The following RFX2 variants were observed in gnomAD, a reference collection of about 807,000 sequenced individuals.
RFX2 encodes the protein DNA-binding protein RFX2.
A neutral mutation model predicts 87.8 loss-of-function variants in RFX2; 20 were observed. The ratio of observed to expected loss-of-function variants is 0.23; its 90% CI spans 0.16 to 0.33. The LOEUF (loss-of-function observed/expected upper bound fraction) is 0.33, where lower values mean the gene tolerates loss of function less well. Ranked by LOEUF, RFX2 falls within the 10% of genes least tolerant of loss-of-function variation. The pLI, the probability that RFX2 is intolerant of heterozygous loss-of-function variation, is 1.00. For synonymous variants in RFX2, 397 were observed against 431.3 expected, an observed-to-expected ratio of 0.92 and a Z score of 0.98; for missense variants, 767 against 1,012.3, an observed-to-expected ratio of 0.76 and a Z score of 3.29.
At chr19:6,031,825 T>G (rs1048467446) in intron 5 of RFX2, among the ~76,000 whole-genome samples, 1 of 151,882 alleles carries the variant, frequency 6.6e-6, no homozygotes, top group Non-Finnish European at 1.5e-5. Context: ...CTCTGCATTC[T>G]TTTTTAAAAA....
At chr19:6,032,171 C>A (rs1315373962) in intron 5 of RFX2, among the ~76,000 whole-genome samples, 1 of 152,006 alleles carries the variant, frequency 6.6e-6, no homozygotes, top group Non-Finnish European at 1.5e-5. Flanking sequence ...CGCCATACTG[C>A]AGTGCAGTGG....
chr19:6,038,525 C>T (rs955560314), intron 5 of RFX2, among the ~76,000 whole-genome samples: 2 of 151,684 alleles, frequency 1.3e-5, no homozygotes, highest in Non-Finnish European at 2.9e-5. Flanking sequence ...CTGCAAAGGA[C>T]ACTTTTTAGA....
At chr19:6,091,386 T>C (rs1303820990) in intron 1 of RFX2, among the ~76,000 whole-genome samples, 1 of 150,542 alleles carries the variant, frequency 6.6e-6, no homozygotes, top group Non-Finnish European at 1.5e-5. Flanking sequence ...AGGTGGAGGC[T>C]GCAATAAGCC....
In RFX2 at chr19:6,026,180, C is replaced by A. The variant is rs772838904; in HGVS notation, c.580G>T (p.Gly194Cys). 2 of 1,613,562 alleles carry A rather than the reference C, an allele frequency of 1.2e-6. No individual in the cohort carries two copies. The highest frequency in any genetic ancestry group is 1.7e-6 in the Non-Finnish European group (2 of 1,179,896). Residue 194 changes from glycine (G) to cysteine (C), a missense_variant, in exon 6 of 18, where the codon GGT (glycine) becomes TGT (cysteine). Physicochemically the swap from Gly to Cys is radical, Grantham distance 159. This residue lies in a region of RFX2 where 621 missense variants were observed against 873.0 expected (regional missense o/e 0.71). Coordinates refer to ENST00000303657, the MANE Select transcript of RFX2 (RefSeq NM_000635.4). This position sits in a 1 kb window ranked among gnomAD's most constrained non-coding sequence, Gnocchi z 4.5. ...KSEGITSHKS[G>C]LLNSHLQWLL... ...ACACTTACATGGCTGTTGAGTAAAC[C>A]GCTTTTGTGTGATGTGATTCCTTCG... is the stretch of plus-strand genomic sequence containing the variant.
In RFX2 at chr19:6,063,191, G is replaced by T. The variant is rs509081; in HGVS notation, c.-8-15687C>A. On this transcript the variant is annotated intron_variant, in intron 1 of 17. Transcript: ENST00000303657. The surrounding 1 kb of genome is among the most constrained non-coding windows in gnomAD (Gnocchi z 4.0). ...AGCCGGGCTTCCTCTGATTCCGGAT[G>T]GAGTGTTTAAATGAGATGTCCACAC... Among the ~76,000 whole-genome samples, 2,328 of 152,254 alleles carry T rather than the reference G, an allele frequency of 0.015. 44 individuals are homozygous for T. The highest frequency in any genetic ancestry group is 0.053 in the African/African-American group (2,184 of 41,522).
At position 6,016,097 on chromosome 19, in the gene RFX2, C is replaced by A; in HGVS notation, c.772G>T (p.Gly258Cys). 1 of 1,597,768 alleles carries A rather than the reference C, an allele frequency of 6.3e-7. No individual in the cohort carries two copies. Among genetic ancestry groups the A allele is most frequent in the South Asian group, 1.1e-5 (1 of 89,208 alleles). Residue 258 changes from glycine (G) to cysteine (C), a missense_variant, in exon 7 of 18, where the codon GGC becomes TGC. Around this residue, in one of 2 missense-constraint regions of RFX2, gnomAD observed 621 missense variants for 873.0 expected, o/e 0.71. Coordinates refer to ENST00000303657, the MANE Select transcript of RFX2 (RefSeq NM_000635.4). The surrounding 1 kb of genome is among the most constrained non-coding windows in gnomAD (Gnocchi z 5.4). ...VFMGLRTRRL[G>C]TRGNSKYHYY... ...TGGGGATCGTCTACCCACCTGGTGC[C>A]CAGCCGCCGCGTTCTCAGCCCCATA...
At chr19:6,081,932 C>CA (rs911486013) in intron 1 of RFX2, among the ~76,000 whole-genome samples, 2 of 152,046 alleles carry the variant, frequency 1.3e-5, no homozygotes, top group Non-Finnish European at 2.9e-5. Flanking sequence ...CTAAAAAATA[C>CA]AAAAAATTAG....
In RFX2 at chr19:5,997,090, G is replaced by A. The variant is rs201839547; in HGVS notation, c.1983C>T (p.Thr661=). The change falls in exon 16 of 18, where the codon ACC becomes ACT. Residue 661 remains threonine, a synonymous_variant. Coordinates refer to ENST00000303657, the MANE Select transcript of RFX2 (RefSeq NM_000635.4). This position sits in a 1 kb window ranked among gnomAD's most constrained non-coding sequence, Gnocchi z 4.2. ...CCATCACAGCGATCGGCGTCTCTCC[G>A]GTGGCCTCCGCGACGCGGTGCTCCA... ...YLVEHRVAEA[T]GETPIAVMGE... is the part of the protein sequence containing the mutation. 29 of 1,612,724 alleles carry A rather than the reference G, an allele frequency of 1.8e-5. No homozygotes were observed. The highest frequency in any genetic ancestry group is 5.0e-5 in the Admixed American group (3 of 60,010).
intron 5 of RFX2, among the ~76,000 whole-genome samples, chr19:6,037,545 C>T (rs993430032): frequency 3.9e-5 from 6 of 152,092 alleles, no homozygotes; most frequent in Non-Finnish European, 5.9e-5. Context: ...ATGGAGAAAA[C>T]GTACCATGTT....
In RFX2 at chr19:6,109,170, G is replaced by GA. The variant is rs769058037; in HGVS notation, c.-9+1222dup. Among the ~76,000 whole-genome samples the GA allele has an allele frequency of 7.6e-4, 104 of 137,334 alleles. 1 individual carries two copies. Among genetic ancestry groups the GA allele is most frequent in the Middle Eastern group, 3.7e-3 (1 of 270 alleles). The allele number at this position is 137,334 out of a possible 152,430, so 90.1% of individuals were successfully genotyped here. On this transcript the variant is annotated intron_variant, in intron 1 of 17. Transcript: ENST00000303657. The stretch of plus-strand genomic sequence containing the variant: ...GGTTCTTTAACAAAATAAATAAATT[G>GA]AAAAAAAAAAAAAGTTTCACTCGCG...
At position 6,002,823 on chromosome 19, in the gene RFX2, G is replaced by A. The variant is rs370615658; in HGVS notation, c.1548C>T (p.Ser516=). The A allele has an allele frequency of 5.6e-6, 9 of 1,613,164 alleles. No homozygotes were observed. In the African/African-American group the frequency reaches 9.3e-5, roughly 17 times the overall value. ...GGGCCGCCTGCGCCAGGTGGTTGAG[G>A]GACGTGTAGCGCCGCAGCGTCTGGG... ...AFAQTLRRYT[S]LNHLAQAARA... is the part of the protein sequence containing the mutation. The change falls in exon 14 of 18, where the codon TCC becomes TCT. Residue 516 remains serine (S), a synonymous_variant. Coordinates refer to ENST00000303657, the MANE Select transcript of RFX2 (RefSeq NM_000635.4). The surrounding 1 kb of genome is among the most constrained non-coding windows in gnomAD (Gnocchi z 6.7).
chr19:6,081,545 C>T (rs1225042420), intron 1 of RFX2, among the ~76,000 whole-genome samples: 1 of 152,242 alleles, frequency 6.6e-6, no homozygotes, highest in Admixed American at 6.5e-5. Context: ...TCACAGCACA[C>T]AAACATTAGC....
At chr19:6,025,614 C>A (rs968590476) in intron 6 of RFX2, among the ~76,000 whole-genome samples, 1 of 151,978 alleles carries the variant, frequency 6.6e-6, no homozygotes, top group Non-Finnish European at 1.5e-5. Context: ...CCTATGACAA[C>A]CCGAGGAGGT....
At chr19:6,036,984 GA>G (rs2087034002) in intron 5 of RFX2, among the ~76,000 whole-genome samples, 1 of 152,048 alleles carries the variant, frequency 6.6e-6, no homozygotes, top group South Asian at 2.1e-4. Flanking sequence ...GAAGCTCCTA[GA>G]ACCAAAAAAT....
intron 5 of RFX2, among the ~76,000 whole-genome samples, chr19:6,028,031 G>T (rs2086912430): frequency 6.6e-6 from 1 of 151,908 alleles, no homozygotes. Context: ...CAAAGTTCTG[G>T]GATTACAGGC....
chr19:6,000,692 C>T (rs2086479380), intron 15 of RFX2, among the ~76,000 whole-genome samples: 1 of 152,256 alleles, frequency 6.6e-6, no homozygotes, highest in Non-Finnish European at 1.5e-5. Flanking sequence ...TTCCGCCATG[C>T]TTGTGAGGCC....
chr19:6,007,642 G>T lies in RFX2; in HGVS notation c.1247+48C>A. On this transcript the variant is annotated intron_variant, in intron 11 of 17. Coordinates refer to ENST00000303657, the MANE Select transcript of RFX2 (RefSeq NM_000635.4). The surrounding 1 kb of genome is among the most constrained non-coding windows in gnomAD (Gnocchi z 8.2). ...TGGGTTACCTGTGGACGTCAGCAGGGGGTTAAGTCTGGGGTGGCTGTGAAC... is the reference window on the plus strand; with the variant it reads ...TGGGTTACCTGTGGACGTCAGCAGGTGGTTAAGTCTGGGGTGGCTGTGAAC... 8.8e-7 allele frequency: 1 copy of T among 1,136,136 alleles called. No individual in the cohort carries two copies. Among genetic ancestry groups the T allele is most frequent in the Non-Finnish European group, 1.3e-6 (1 of 768,562 alleles). The allele number at this position is 1,136,136 out of a possible 1,614,324, so 70.4% of individuals were successfully genotyped here. A position where few individuals can be genotyped will look rare whatever the true frequency, so the allele number is the denominator to read the frequency against.
chr19:6,003,779 A>G (rs1329960684), intron 13 of RFX2, among the ~76,000 whole-genome samples: 1 of 68,244 alleles, frequency 1.5e-5, no homozygotes, highest in Non-Finnish European at 2.7e-5. Context: ...ACTCTGTCTC[A>G]AAAAAAAAAA....
Position 6,020,230 on chromosome 19 carries a change from A to G in RFX2, c.598-3959T>C, listed in dbSNP as rs2086792127. ...ACCAGGAGGACATACTGGCTCACAC[A>G]TAAAAAGAAAGTTTTGGAACAGATG... On this transcript the variant is annotated intron_variant, in intron 6 of 17. Coordinates refer to ENST00000303657, the MANE Select transcript of RFX2 (RefSeq NM_000635.4). The surrounding 1 kb of genome is among the most constrained non-coding windows in gnomAD (Gnocchi z 5.3). 6.6e-6 allele frequency: 1 copy of G among 152,236 alleles called. No homozygotes were observed. The highest frequency in any genetic ancestry group is 2.1e-4 in the South Asian group (1 of 4,838). The allele number at this position is 152,236 out of a possible 1,614,324, so 9.4% of individuals were successfully genotyped here.
Sources: allele counts gnomAD v4.1 joint callset (sites outside exome capture counted in the v4.1 genomes callset), GRCh38; gene constraint gnomAD v4.1.1; regional missense constraint gnomAD v4.1.1; non-coding constraint Gnocchi (gnomAD v3.1); transcripts MANE v1.5; gene names NCBI Gene and HGNC (gene_info 2026-07-23, HGNC 2026-07-21).